The following MAP2K6 variants were observed in gnomAD, a reference collection of about 807,000 sequenced individuals.
The protein encoded by MAP2K6 is mitogen-activated protein kinase kinase 6.
Under a neutral mutation model 53.7 loss-of-function variants are expected in MAP2K6, and 16 were observed. That is an observed-to-expected ratio of 0.30 (90% CI 0.20 to 0.45). MAP2K6 has a LOEUF of 0.45. Among genes scored for constraint, MAP2K6 ranks in the 20% least tolerant of loss-of-function variants. MAP2K6 has a pLI of 1.00. For missense variants in MAP2K6, 204 were observed against 411.9 expected, an observed-to-expected ratio of 0.50 and a Z score of 4.37; for synonymous variants, 132 against 143.1, an observed-to-expected ratio of 0.92 and a Z score of 0.55.
rs959462550 is a variant in MAP2K6, at chr17:69,422,554, T to C, written c.16+7554T>C. Among the ~76,000 whole-genome samples, 8 of 152,220 alleles carry C rather than the reference T, an allele frequency of 5.3e-5. No individual in the cohort carries two copies. The South Asian group carries it at 1.7e-3, about 31-fold the overall frequency. On this transcript the variant is annotated intron_variant, in intron 1 of 11. Transcript: ENST00000590474. ...CCTTCTTAAGTCAGATTCTTGAGATTAGTCTTCTTTGGACAGACCATTAGC... is the reference window on the plus strand; with the variant it reads ...CCTTCTTAAGTCAGATTCTTGAGATCAGTCTTCTTTGGACAGACCATTAGC...
chr17:69,486,013 C>T (rs1908521642), intron 1 of MAP2K6, among the ~76,000 whole-genome samples: 1 of 152,036 alleles, frequency 6.6e-6, no homozygotes, highest in Non-Finnish European at 1.5e-5. Flanking sequence ...TTTCCTATTT[C>T]CATTTATGTA....
At chr17:69,509,056 C>G (rs1029290470) in intron 2 of MAP2K6, among the ~76,000 whole-genome samples, 1 of 152,238 alleles carries the variant, frequency 6.6e-6, no homozygotes, top group Non-Finnish European at 1.5e-5. Flanking sequence ...TCCTCTCACT[C>G]TGTTCTCTTT....
In MAP2K6 at chr17:69,539,680, G is replaced by C. The variant is rs1293625911; in HGVS notation, c.928-1996G>C. ...TGCAGACTCAGGCAACATCTACTGA[G>C]CTAATAGCCACTAGCAGAACAAAAG... On this transcript the variant is annotated intron_variant, in intron 11 of 11. Transcript: ENST00000590474. Among the ~76,000 whole-genome samples the C allele has an allele frequency of 2.0e-5, 3 of 152,254 alleles. No homozygotes were observed. The East Asian group carries it at 5.8e-4, about 29-fold the overall frequency.
intron 1 of MAP2K6, among the ~76,000 whole-genome samples, chr17:69,476,872 A>G (rs2028049): frequency 0.7 from 106,261 of 152,100 alleles, 37,638 homozygotes; most frequent in East Asian, 0.94. Context: ...AGCCCACAAT[A>G]CCGAGCCCAC....
At chr17:69,436,697 A>G (rs750044117) in intron 1 of MAP2K6, among the ~76,000 whole-genome samples, 1 of 152,120 alleles carries the variant, frequency 6.6e-6, no homozygotes, top group Non-Finnish European at 1.5e-5. Context: ...CAGAATCCTC[A>G]TGTGTCCTCT....
chr17:69,466,198 C>T (rs1907797648), intron 1 of MAP2K6, among the ~76,000 whole-genome samples: 1 of 148,408 alleles, frequency 6.7e-6, no homozygotes, highest in Non-Finnish European at 1.5e-5. Context: ...GAGGCTGAGG[C>T]AGGAGAATAG....
intron 1 of MAP2K6, among the ~76,000 whole-genome samples, chr17:69,432,760 C>T (rs957016609): frequency 3.3e-5 from 5 of 150,032 alleles, no homozygotes; most frequent in African/African-American, 4.9e-5. Flanking sequence ...CACACGTTTA[C>T]CTATGTAACA....
At position 69,519,364 on chromosome 17, in the gene MAP2K6, T is replaced by C; in HGVS notation, c.298T>C (p.Leu100=). The change falls in exon 5 of 12, where the codon TTG becomes CTG. Residue 100 remains leucine, a synonymous_variant. Coordinates refer to ENST00000590474, the MANE Select transcript of MAP2K6 (RefSeq NM_002758.4). ...GGAACAGAAACGGCTACTGATGGAT[T>C]TGGATATTTCCATGAGGACGGTGGA... The part of the protein sequence containing the change: ...SQEQKRLLMD[L]DISMRTVDCP... 1.2e-6 allele frequency: 2 copies of C among 1,614,132 alleles called. No homozygotes were observed. Among genetic ancestry groups the C allele is most frequent in the Non-Finnish European group, 1.7e-6 (2 of 1,179,976 alleles).
At chr17:69,418,605 A>C (rs915505513) in intron 1 of MAP2K6, among the ~76,000 whole-genome samples, 1 of 152,102 alleles carries the variant, frequency 6.6e-6, no homozygotes, top group Non-Finnish European at 1.5e-5. Flanking sequence ...CTCTTGTTTC[A>C]CTTACCAATA....
chr17:69,500,569 A>T (rs962699671), intron 1 of MAP2K6, among the ~76,000 whole-genome samples: 4 of 151,914 alleles, frequency 2.6e-5, no homozygotes, highest in Non-Finnish European at 5.9e-5. Context: ...AGCCTGACCA[A>T]CATGGTGAAA....
intron 1 of MAP2K6, among the ~76,000 whole-genome samples, chr17:69,495,231 T>G (rs1567839301): frequency 6.6e-6 from 1 of 151,574 alleles, no homozygotes; most frequent in Non-Finnish European, 1.5e-5. Flanking sequence ...TTCGTTTTAT[T>G]TTTTCTTTTA....
rs1470343728 is a variant in MAP2K6, at chr17:69,542,538, G to A, written c.*785G>A. ...TGGTTCTTCTGACACTTGTGGTATA[G>A]TATTAGTGGAAAGTGATTTGTAATA... On this transcript the variant is annotated 3_prime_UTR_variant, in exon 12 of 12. Coordinates refer to ENST00000590474, the MANE Select transcript of MAP2K6 (RefSeq NM_002758.4). 2 of 152,228 alleles carry A rather than the reference G, an allele frequency of 1.3e-5. No individual in the cohort carries two copies. The highest frequency in any genetic ancestry group is 2.4e-5 in the African/African-American group (1 of 41,438). 9.4% of individuals were successfully genotyped at this position (152,228 alleles called of 1,614,324 possible).
intron 1 of MAP2K6, among the ~76,000 whole-genome samples, chr17:69,438,761 T>C (rs1218813682): frequency 6.6e-6 from 1 of 152,102 alleles, no homozygotes; most frequent in Non-Finnish European, 1.5e-5. Context: ...TTTTATTTTA[T>C]TTTTGTAGAA....
At position 69,545,037 on chromosome 17, in the gene MAP2K6, G is replaced by A. The variant is rs1911821757; in HGVS notation, c.*3284G>A. ...TCAGATTTTGCACAAAGTTGTGTTT[G>A]ACAATTTCTAGAAGTTAAATCTTCC... On this transcript the variant is annotated 3_prime_UTR_variant, in exon 12 of 12. Transcript: ENST00000590474. 6.6e-6 allele frequency: 1 copy of A among 152,140 alleles called. No individual in the cohort carries two copies. The highest frequency in any genetic ancestry group is 2.1e-4 in the South Asian group (1 of 4,826). 9.4% of individuals were successfully genotyped at this position (152,140 alleles called of 1,614,324 possible).
chr17:69,453,188 C>T (rs549742720), intron 1 of MAP2K6, among the ~76,000 whole-genome samples: 11 of 152,314 alleles, frequency 7.2e-5, no homozygotes, highest in Non-Finnish European at 1.5e-4. Context: ...GCATTAATTC[C>T]TGGTATGACA....
chr17:69,528,620 A>C (rs1910910240), intron 10 of MAP2K6, among the ~76,000 whole-genome samples: 2 of 152,024 alleles, frequency 1.3e-5, no homozygotes, highest in African/African-American at 4.8e-5. Context: ...GCACTTTGGG[A>C]GGCCAAGGTG....
intron 1 of MAP2K6, among the ~76,000 whole-genome samples, chr17:69,420,761 G>C (rs898727706): frequency 6.6e-6 from 1 of 152,012 alleles, no homozygotes; most frequent in Non-Finnish European, 1.5e-5. Context: ...AGAATCTTTA[G>C]TATATTTCAC....
intron 1 of MAP2K6, among the ~76,000 whole-genome samples, chr17:69,472,265 C>G (rs539821333): frequency 6.6e-6 from 1 of 151,604 alleles, no homozygotes; most frequent in Non-Finnish European, 1.5e-5. Context: ...CATGTACCCC[C>G]GAATCTAAAA....
intron 1 of MAP2K6, among the ~76,000 whole-genome samples, chr17:69,440,162 C>G (rs1906772757): frequency 6.6e-6 from 1 of 152,090 alleles, no homozygotes; most frequent in South Asian, 2.1e-4. Flanking sequence ...ATTCTACTGC[C>G]TCAGCCTCCA....
Sources: gnomAD v4.1 joint callset for allele counts (sites outside exome capture counted in the v4.1 genomes callset) on GRCh38, gnomAD v4.1.1 for gene constraint, MANE v1.5 for transcripts, NCBI Gene and HGNC (gene_info 2026-07-23, HGNC 2026-07-21) for gene names.